Variants in CHEK1 observed in about 807,000 individuals in gnomAD.
CHEK1 encodes serine/threonine-protein kinase Chk1.
In CHEK1, 32 loss-of-function variants were observed where a neutral mutation model predicts 60.2. The observed-to-expected ratio is 0.53, with a 90% CI of 0.40 to 0.71. The LOEUF is 0.71. Among genes scored for constraint, CHEK1 ranks in the 30% least tolerant of loss-of-function variants. CHEK1 has a pLI of 0.00. For synonymous variants in CHEK1, 179 were observed against 187.2 expected, an observed-to-expected ratio of 0.96 and a Z score of 0.36; for missense variants, 399 against 564.6, an observed-to-expected ratio of 0.71 and a Z score of 2.97.
chr11:125,636,054 C>G (rs1190118907), intron 7 of CHEK1: 1 of 151,998 alleles, frequency 6.6e-6, no homozygotes, highest in Non-Finnish European at 1.5e-5. Context: ...ATTTGTGTAT[C>G]TAAGTATAGA....
At position 125,656,957 on chromosome 11, in the gene CHEK1, A is replaced by G. The variant is rs1030458160; in HGVS notation, c.*1637A>G. On this transcript the variant is annotated 3_prime_UTR_variant, in exon 13 of 13. Coordinates refer to ENST00000438015, the MANE Select transcript of CHEK1 (RefSeq NM_001114122.3). ...TGCCTCAGTAAAGACACTGATAATA[A>G]GTACCTTTTAGAGTTATTTTAATCT... 10 of 199,156 alleles carry G rather than the reference A, an allele frequency of 5.0e-5. No homozygotes were observed. The highest frequency in any genetic ancestry group is 1.7e-3 in the Middle Eastern group (1 of 596). 12.3% of individuals were successfully genotyped at this position (199,156 alleles called of 1,614,324 possible). A position where few individuals can be genotyped will look rare whatever the true frequency, so the allele number is the denominator to read the frequency against.
At chr11:125,677,808 C>G, downstream of CHEK1, 1 of 1,614,122 alleles carries the variant, frequency 6.2e-7, no homozygotes, top group South Asian at 1.1e-5. Context: ...TGTAGATGTG[C>G]TTGAAATTGG....
At chr11:125,663,797 T>C (rs992466990) in intron 13 of CHEK1, among the ~76,000 whole-genome samples, 2 of 152,214 alleles carry the variant, frequency 1.3e-5, no homozygotes, top group African/African-American at 4.8e-5. Flanking sequence ...ATAGTTTTAG[T>C]TTTACATTTA....
At chr11:125,629,358 A>G (rs770442960) in intron 4 of CHEK1, 33 bp from the exon 5 acceptor site, 2 of 1,612,398 alleles carry the variant, frequency 1.2e-6, no homozygotes, top group African/African-American at 2.7e-5. Flanking sequence ...ACATTACCAA[A>G]TTCTAGTGTG....
chr11:125,628,557 CT>C (rs1227800214), intron 3 of CHEK1, among the ~76,000 whole-genome samples: 1 of 152,246 alleles, frequency 6.6e-6, no homozygotes, highest in African/African-American at 2.4e-5. Context: ...GATAAAAGAA[CT>C]TTCATAATAA....
intron 5 of CHEK1, 94 bp downstream of exon 5, chr11:125,629,554 CA>C: frequency 1.1e-6 from 1 of 901,666 alleles, no homozygotes; most frequent in Non-Finnish European, 1.6e-6. Context: ...CCATACAAGG[CA>C]AAATCAAGTC....
chr11:125,680,898 C>T (rs940516805), downstream of CHEK1: 6 of 822,978 alleles, frequency 7.3e-6, no homozygotes, highest in Admixed American at 4.4e-5. Context: ...ATTCTAGAAC[C>T]TCAGAAGTAA....
intron 2 of CHEK1, 65 bp downstream of exon 2, chr11:125,626,898 CTGGT>C: frequency 6.6e-7 from 1 of 1,517,380 alleles, no homozygotes; most frequent in South Asian, 1.1e-5. Context: ...GTCTCACACT[CTGGT>C]GATTTAGAAA....
chr11:125,656,439 A>C lies in CHEK1; in HGVS notation c.*1119A>C, dbSNP rs910246133. On this transcript the variant is annotated 3_prime_UTR_variant, in exon 13 of 13. Coordinates refer to ENST00000438015, the MANE Select transcript of CHEK1 (RefSeq NM_001114122.3). Reference sequence around the variant, plus strand: ...AGAACATGTAGAATGTTATGATTAGAGTTTATCACATATTAATGTATACTG... The same window carrying C: ...AGAACATGTAGAATGTTATGATTAGCGTTTATCACATATTAATGTATACTG... The C allele has an allele frequency of 4.7e-6, 1 of 212,232 alleles. No homozygotes were observed. The highest frequency in any genetic ancestry group is 5.9e-5 in the Admixed American group (1 of 17,038). 13.1% of individuals were successfully genotyped at this position (212,232 alleles called of 1,614,324 possible).
At chr11:125,647,747 T>C (rs1459099301) in intron 11 of CHEK1, among the ~76,000 whole-genome samples, 5 of 152,224 alleles carry the variant, frequency 3.3e-5, no homozygotes, top group Admixed American at 3.3e-4. Flanking sequence ...ACATGAATAA[T>C]TTTATTTATG....
chr11:125,648,634 C>CT (rs746598087), intron 11 of CHEK1, among the ~76,000 whole-genome samples: 10,859 of 136,390 alleles, frequency 0.08, 488 homozygotes, highest in Non-Finnish European at 0.11. Flanking sequence ...AATTGTTTTA[C>CT]TTTTTTTTTT....
At chr11:125,637,359 T>C (rs1941110819) in intron 7 of CHEK1, 90 bp from the exon 8 acceptor site, 1 of 868,588 alleles carries the variant, frequency 1.2e-6, no homozygotes, top group East Asian at 2.7e-5. Context: ...TAGACATAAG[T>C]AGGCTAACAG....
intron 12 of CHEK1, among the ~76,000 whole-genome samples, chr11:125,654,474 TATG>T (rs574513837): frequency 1.3e-5 from 2 of 152,302 alleles, no homozygotes; most frequent in Middle Eastern, 3.4e-3. Flanking sequence ...TAATAAAAAT[TATG>T]ATTTGTTACA....
In CHEK1 at chr11:125,625,677, C is replaced by A. The variant is rs1591387728; in HGVS notation, c.-356C>A. ...CCCTGAGGCTTGGAGGCCTGGGCTT[C>A]CCCCAGCAGCGCTCGAGCACCGCCC... On this transcript the variant is annotated 5_prime_UTR_variant, in exon 1 of 13. Coordinates refer to ENST00000438015, the MANE Select transcript of CHEK1 (RefSeq NM_001114122.3). The A allele has an allele frequency of 1.6e-6, 1 of 612,354 alleles. No homozygotes were observed. The highest frequency in any genetic ancestry group is 2.8e-5 in the East Asian group (1 of 36,298). The allele number at this position is 612,354 out of a possible 1,614,324, so 37.9% of individuals were successfully genotyped here. A position where few individuals can be genotyped will look rare whatever the true frequency, so the allele number is the denominator to read the frequency against.
chr11:125,626,673 T>G, intron 1 of CHEK1, 76 bp from the exon 2 acceptor site: 1 of 1,349,322 alleles, frequency 7.4e-7, no homozygotes, highest in Non-Finnish European at 1.1e-6. Context: ...TGGGCAATCC[T>G]GGGGAGAGGC....
intron 13 of CHEK1, chr11:125,672,834 C>T: frequency 7.9e-7 from 1 of 1,272,780 alleles, no homozygotes. Context: ...TGTCCATTAT[C>T]CCTTCTCTTT....
At chr11:125,626,554 T>C (rs982625663) in intron 1 of CHEK1, 195 bp from the exon 2 acceptor site, 4 of 567,416 alleles carry the variant, frequency 7.0e-6, no homozygotes, top group African/African-American at 3.8e-5. Context: ...GGAGTGGCGA[T>C]TGTGATTTAC....
intron 2 of CHEK1, among the ~76,000 whole-genome samples, chr11:125,627,372 C>T (rs1156960168): frequency 1.3e-5 from 2 of 152,138 alleles, no homozygotes; most frequent in Non-Finnish European, 2.9e-5. Flanking sequence ...TTTTATGAAG[C>T]GTTTATTAAA....
intron 8 of CHEK1, among the ~76,000 whole-genome samples, chr11:125,640,359 G>T (rs1400744196): frequency 1.3e-5 from 2 of 151,944 alleles, no homozygotes; most frequent in Non-Finnish European, 2.9e-5. Context: ...GGCTAACACG[G>T]TGTCACCCCG....
Sources: gnomAD v4.1 joint callset for allele counts (sites outside exome capture counted in the v4.1 genomes callset) on GRCh38, gnomAD v4.1.1 for gene constraint, MANE v1.5 for transcripts, NCBI Gene and HGNC (gene_info 2026-07-23, HGNC 2026-07-21) for gene names.